Variants in IGF2R observed in about 807,000 individuals in gnomAD.
The protein encoded by IGF2R is cation-independent mannose-6-phosphate receptor.
Under a neutral mutation model 270.6 loss-of-function variants are expected in IGF2R, and 91 were observed. The ratio of observed to expected loss-of-function variants is 0.34; its 90% CI spans 0.28 to 0.40. The LOEUF is 0.40. Among genes scored for constraint, IGF2R ranks in the 10% least tolerant of loss-of-function variants. The pLI is 1.00. For synonymous variants in IGF2R, 1,316 were observed against 1,258.9 expected (o/e 1.05, Z -0.96); for missense variants, 2,805 against 3,188.3 (o/e 0.88, Z 2.90).
rs1784172916 is a variant in IGF2R, at chr6:160,004,057, G to C, written c.290-4953G>C. 6.6e-6 allele frequency: 1 copy of C among 152,060 alleles called. No homozygotes were observed. Among genetic ancestry groups the C allele is most frequent in the Admixed American group, 6.6e-5 (1 of 15,266 alleles). The allele number at this position is 152,060 out of a possible 1,614,324, so 9.4% of individuals were successfully genotyped here. On this transcript the variant is annotated intron_variant, in intron 2 of 47. Coordinates refer to ENST00000356956, the MANE Select transcript of IGF2R (RefSeq NM_000876.4). The surrounding 1 kb of genome is among the most constrained non-coding windows in gnomAD (Gnocchi z 5.2). ...TAAAAAGAGTATCCATATAAATAGA[G>C]AAGCTGGAGGTTAAAAAATTGGATG... is the stretch of plus-strand genomic sequence containing the variant.
intron 1 of IGF2R, among the ~76,000 whole-genome samples, chr6:159,984,996 C>G (rs943834960): frequency 3.3e-5 from 5 of 152,152 alleles, no homozygotes; most frequent in African/African-American, 1.2e-4. Flanking sequence ...AAACCGTATT[C>G]CTGGTTCCAG....
In IGF2R at chr6:160,033,088, T is replaced by G. The variant is rs1562350641; in HGVS notation, c.1192T>G (p.Tyr398Asp). The change falls in exon 9 of 48, where the codon TAC becomes GAC. Residue 398 changes from tyrosine to aspartate, a missense_variant. This residue lies in a region of IGF2R where 954 missense variants were observed against 981.1 expected (regional missense o/e 0.97). Coordinates refer to ENST00000356956, the MANE Select transcript of IGF2R (RefSeq NM_000876.4). ...CTCTCAAGTCAAAGCAGCAGGAAGA[T>G]ACCACAATCAGACCCTCCGGTACGT... ...DTSQVKAAGR[Y>D]HNQTLRYSDG... The G allele has an allele frequency of 2.5e-6, 4 of 1,613,098 alleles. No individual in the cohort carries two copies. The highest frequency in any genetic ancestry group is 3.4e-6 in the Non-Finnish European group (4 of 1,179,370).
intron 45 of IGF2R, among the ~76,000 whole-genome samples, chr6:160,097,824 C>A (rs1037823720): frequency 6.6e-6 from 1 of 152,168 alleles, no homozygotes; most frequent in Non-Finnish European, 1.5e-5. Context: ...TCCCCCTGCC[C>A]ACCCTTAACA....
intron 2 of IGF2R, among the ~76,000 whole-genome samples, chr6:159,993,523 T>A (rs1038177138): frequency 2.0e-5 from 3 of 152,176 alleles, no homozygotes; most frequent in Non-Finnish European, 4.4e-5. Context: ...AAAGATCAGT[T>A]GGTTTTAAGT....
chr6:160,067,363 T>C (rs1294245795), intron 29 of IGF2R, among the ~76,000 whole-genome samples: 1 of 152,162 alleles, frequency 6.6e-6, no homozygotes, highest in Non-Finnish European at 1.5e-5. Context: ...AACAGCTGCC[T>C]CTGCCCCCCG....
chr6:160,089,064 C>T, intron 42 of IGF2R, 43 bp from the exon 43 acceptor site: 2 of 1,591,664 alleles, frequency 1.3e-6, no homozygotes, highest in South Asian at 1.1e-5. Flanking sequence ...TCCCTTATGT[C>T]TGGCTGGGGA....
At chr6:160,019,126 A>G (rs1304495904) in intron 4 of IGF2R, among the ~76,000 whole-genome samples, 1 of 152,156 alleles carries the variant, frequency 6.6e-6, no homozygotes, top group South Asian at 2.1e-4. Flanking sequence ...AGCTGATACC[A>G]CAAAAAAGAT....
chr6:160,030,269 G>A (rs547446681), intron 7 of IGF2R, among the ~76,000 whole-genome samples: 5 of 152,278 alleles, frequency 3.3e-5, no homozygotes, highest in East Asian at 1.9e-4. Flanking sequence ...GAAAGGAGGC[G>A]TCCCCCAGGG....
chr6:159,975,682 A>G (rs1029167085), intron 1 of IGF2R, among the ~76,000 whole-genome samples: 17 of 129,154 alleles, frequency 1.3e-4, no homozygotes, highest in South Asian at 1.2e-3. Context: ...TATTATATAT[A>G]TTTATATATA....
At chr6:159,974,737 TA>T (rs1407422564) in intron 1 of IGF2R, among the ~76,000 whole-genome samples, 1 of 151,950 alleles carries the variant, frequency 6.6e-6, no homozygotes, top group Non-Finnish European at 1.5e-5. Flanking sequence ...TGGTAACAAA[TA>T]AAAATGTCTC....
intron 4 of IGF2R, among the ~76,000 whole-genome samples, chr6:160,019,334 C>G (rs1438459504): frequency 6.6e-6 from 1 of 151,836 alleles, no homozygotes; most frequent in Non-Finnish European, 1.5e-5. Context: ...AAACAAAAAC[C>G]TCCCAACAAA....
intron 4 of IGF2R, among the ~76,000 whole-genome samples, chr6:160,017,255 G>A (rs1044922588): frequency 7.9e-5 from 12 of 152,258 alleles, no homozygotes; most frequent in African/African-American, 2.2e-4. Context: ...TAGACTAGAC[G>A]AAGCAGAAGG....
chr6:159,983,331 C>CACAAG (rs1279294030), intron 1 of IGF2R, among the ~76,000 whole-genome samples: 1 of 152,180 alleles, frequency 6.6e-6, no homozygotes, highest in Non-Finnish European at 1.5e-5. Flanking sequence ...GTGCTTCCTT[C>CACAAG]TAATTGGTAA....
chr6:160,046,880 T>A (rs1469678097), intron 15 of IGF2R, among the ~76,000 whole-genome samples: 2 of 152,232 alleles, frequency 1.3e-5, no homozygotes, highest in Non-Finnish European at 2.9e-5. Flanking sequence ...TTGCGCATTT[T>A]GTGCTTCTCA....
Position 160,069,921 on chromosome 6 carries a change from A to ACGG in IGF2R, c.4306_4307insCGG (p.Asn1436delinsThrAsp). On this transcript the variant is annotated protein_altering_variant, in exon 31 of 48. Transcript: ENST00000356956. ...TCTGCTGGGTGGCTCCAAGCCCGTG[A>ACGG]ACCTCGGCAGGGTAAGGGACGGACC... is the stretch of plus-strand genomic sequence containing the variant. 1 of 1,614,244 alleles carries ACGG rather than the reference A, an allele frequency of 6.2e-7. No individual in the cohort carries two copies. The highest frequency in any genetic ancestry group is 8.5e-7 in the Non-Finnish European group (1 of 1,180,050).
intron 5 of IGF2R, among the ~76,000 whole-genome samples, chr6:160,026,867 A>G (rs1777571279): frequency 6.6e-6 from 1 of 152,128 alleles, no homozygotes; most frequent in Non-Finnish European, 1.5e-5. Flanking sequence ...TGCATTTTCT[A>G]GTCTCTGTAG....
Position 160,102,283 on chromosome 6 carries a change from C to T in IGF2R, c.6843-236C>T, listed in dbSNP as rs8191944. Among the ~76,000 whole-genome samples the T allele has an allele frequency of 5.3e-3, 803 of 152,332 alleles. 7 individuals are homozygous for T. The highest frequency in any genetic ancestry group is 0.013 in the South Asian group (64 of 4,826). Reference sequence around the variant, plus strand: ...GAATGATAGTTCATGGAGCTGGAAGCAGTGCCTTCTTGTCTGCTTTCTGAC... The same window carrying T: ...GAATGATAGTTCATGGAGCTGGAAGTAGTGCCTTCTTGTCTGCTTTCTGAC... On this transcript the variant is annotated intron_variant, in intron 45 of 47. Transcript: ENST00000356956. This position sits in a 1 kb window ranked among gnomAD's most constrained non-coding sequence, Gnocchi z 4.5.
rs1274179694 is a variant in IGF2R, at chr6:160,072,037, G to C, written c.4570+1G>C. The C allele has an allele frequency of 6.2e-7, 1 of 1,614,146 alleles. No individual in the cohort carries two copies. Among genetic ancestry groups the C allele is most frequent in the Admixed American group, 1.7e-5 (1 of 60,028 alleles). On this transcript the variant is annotated splice_donor_variant, in intron 32 of 47. Transcript: ENST00000356956. LOFTEE classifies it high-confidence loss of function. ...TGCCAGGTCACCAACCCAAGCACAG[G>C]TGAGAGGTGGTGCCAGTCGTTAACC...
chr6:160,082,631 A>G (rs192583725), intron 39 of IGF2R, among the ~76,000 whole-genome samples: 2 of 151,826 alleles, frequency 1.3e-5, no homozygotes, highest in Non-Finnish European at 2.9e-5. Context: ...TTTCGTGATC[A>G]TTAGTAGATT....
Sources: allele counts gnomAD v4.1 joint callset (sites outside exome capture counted in the v4.1 genomes callset), GRCh38; gene constraint gnomAD v4.1.1; regional missense constraint gnomAD v4.1.1; non-coding constraint Gnocchi (gnomAD v3.1); transcripts MANE v1.5; gene names NCBI Gene and HGNC (gene_info 2026-07-23, HGNC 2026-07-21).